The following CEP290 variants were observed in gnomAD, a reference collection of about 807,000 sequenced individuals.
CEP290 encodes the protein centrosomal protein of 290 kDa.
A neutral mutation model predicts 344.9 loss-of-function variants in CEP290; 317 were observed. The observed-to-expected ratio is 0.92, with a 90% CI of 0.84 to 1.01. The LOEUF (loss-of-function observed/expected upper bound fraction) is 1.01. Ranked by LOEUF, CEP290 falls within the 50% of genes least tolerant of loss-of-function variation. CEP290 has a pLI of 0.00. For missense variants in CEP290, 2,754 were observed against 2,761.4 expected (o/e 1.00, Z 0.06); for synonymous variants, 932 against 895.8 (o/e 1.04, Z -0.72).
At chr12:88,103,058 G>C in intron 25 of CEP290, 47 bp from the exon 26 acceptor site, 1 of 1,290,516 alleles carries the variant, frequency 7.7e-7, no homozygotes, top group African/African-American at 1.6e-5. Context: ...CTTTTTTTCT[G>C]GTCAAGCACT....
Position 88,117,004 on chromosome 12 carries a change from T to C in CEP290, c.1824+29A>G, listed in dbSNP as rs534874484. 20 of 1,082,976 alleles carry C rather than the reference T, an allele frequency of 1.8e-5. No individual in the cohort carries two copies. In the East Asian group the frequency reaches 5.0e-4, roughly 27 times the overall value. 67.1% of individuals were successfully genotyped at this position (1,082,976 alleles called of 1,614,324 possible). On this transcript the variant is annotated intron_variant, in intron 18 of 53. Transcript: ENST00000552810. ...AAAAAAAAAAAAAAAATATTTTCCT[T>C]TACTCTCTTTGCAATACTTTACTAT...
chr12:88,111,254 G>C lies in CEP290; in HGVS notation c.2315C>G (p.Ser772Cys). Residue 772 changes from serine (S) to cysteine (C), a missense_variant, in exon 22 of 54, where the codon TCT (serine) becomes TGT (cysteine). Physicochemically the swap from Ser to Cys is moderately radical, Grantham distance 112. Transcript: ENST00000552810. ...CTGAGAATTAATGATACTGGCACTA[G>C]ATGGTGCTATCCCATCAGGTAAGTC... Reference protein sequence around the residue: ...GIDLPDGIAPSSASIINSQNE... With the variant: ...GIDLPDGIAPCSASIINSQNE... 6.6e-7 allele frequency: 1 copy of C among 1,517,168 alleles called. No individual in the cohort carries two copies. Among genetic ancestry groups the C allele is most frequent in the East Asian group, 2.5e-5 (1 of 39,746 alleles). The allele number at this position is 1,517,168 out of a possible 1,614,324, so 94.0% of individuals were successfully genotyped here. A position where few individuals can be genotyped will look rare whatever the true frequency, so the allele number is the denominator to read the frequency against.
At chr12:88,051,951 G>A (rs1050173367) in intron 52 of CEP290, among the ~76,000 whole-genome samples, 1 of 152,084 alleles carries the variant, frequency 6.6e-6, no homozygotes, top group East Asian at 1.9e-4. Context: ...AAGGAGCTGT[G>A]GAGTTTCATA....
chr12:88,107,207 A>G, intron 23 of CEP290, 109 bp from the exon 24 acceptor site: 1 of 606,194 alleles, frequency 1.6e-6, no homozygotes, highest in South Asian at 2.7e-5. Flanking sequence ...CACAAGAGGT[A>G]TCATAGCTAT....
intron 31 of CEP290, among the ~76,000 whole-genome samples, chr12:88,088,442 TATA>T (rs757664543): frequency 1.3e-5 from 2 of 152,088 alleles, no homozygotes; most frequent in African/African-American, 2.4e-5. Context: ...AATGTTTAAA[TATA>T]ATAATTAGTG....
intron 20 of CEP290, among the ~76,000 whole-genome samples, chr12:88,112,860 A>G (rs549303651): frequency 3.5e-4 from 54 of 152,226 alleles, no homozygotes; most frequent in African/African-American, 1.3e-3. Flanking sequence ...ACTGACAACA[A>G]GGTGGTCTAG....
Position 88,111,353 on chromosome 12 carries a change from T to TG in CEP290, c.2218-3dup. On this transcript the variant is annotated splice_polypyrimidine_tract_variant and splice_region_variant and intron_variant, in intron 21 of 53. Coordinates refer to ENST00000552810, the MANE Select transcript of CEP290 (RefSeq NM_025114.4). ...AGTTTCTTTTTCAAGATGGTCTATC[T>TG]GGAAAAAAAAATCCAGCAATGAGAA... The TG allele has an allele frequency of 6.4e-7, 1 of 1,561,362 alleles. No homozygotes were observed. The highest frequency in any genetic ancestry group is 8.7e-7 in the Non-Finnish European group (1 of 1,155,792).
intron 43 of CEP290, among the ~76,000 whole-genome samples, chr12:88,070,250 A>G (rs993015644): frequency 6.6e-6 from 1 of 152,186 alleles, no homozygotes; most frequent in African/African-American, 2.4e-5. Context: ...AAAGGAGTAG[A>G]AGGCAGATTA....
intron 23 of CEP290, among the ~76,000 whole-genome samples, chr12:88,107,616 A>C (rs1214470478): frequency 6.6e-6 from 1 of 151,844 alleles, no homozygotes; most frequent in Non-Finnish European, 1.5e-5. Context: ...TAGTGCAAAA[A>C]AAAAAAAAAA....
intron 22 of CEP290, among the ~76,000 whole-genome samples, chr12:88,109,676 G>A (rs899855808): frequency 6.6e-6 from 1 of 152,006 alleles, no homozygotes; most frequent in Non-Finnish European, 1.5e-5. Context: ...TTTGAGTTTG[G>A]GTCTGTCTGA....
At chr12:88,112,180 G>A (rs970733433) in intron 20 of CEP290, among the ~76,000 whole-genome samples, 2 of 152,136 alleles carry the variant, frequency 1.3e-5, no homozygotes, top group Admixed American at 6.5e-5. Flanking sequence ...AGCTGGGCAA[G>A]TGACTTAAAT....
chr12:88,055,490 C>T, intron 50 of CEP290, 86 bp downstream of exon 50: 1 of 1,207,656 alleles, frequency 8.3e-7, no homozygotes, highest in Non-Finnish European at 1.1e-6. Flanking sequence ...TAATAGAGTC[C>T]ATTTTTATCT....
chr12:88,133,903 T>C (rs959857573), intron 6 of CEP290, among the ~76,000 whole-genome samples: 1 of 152,166 alleles, frequency 6.6e-6, no homozygotes, highest in African/African-American at 2.4e-5. Context: ...TTAATGTTTT[T>C]TTCCCTTGTC....
chr12:88,049,035 AATTTT>A lies in CEP290; in HGVS notation c.*144_*148del, dbSNP rs368073560. 452 of 442,066 alleles carry A rather than the reference AATTTT, an allele frequency of 1.0e-3. 1 individual carries two copies. The highest frequency in any genetic ancestry group is 8.8e-3 in the African/African-American group (432 of 48,856). 27.4% of individuals were successfully genotyped at this position (442,066 alleles called of 1,614,324 possible). ...TTATAATAAGTTGAAAATTTCATAT[AATTTT>A]ATTTATTAAGAATTCCAATCTAAGT... is the stretch of plus-strand genomic sequence containing the variant. On this transcript the variant is annotated 3_prime_UTR_variant, in exon 54 of 54. Coordinates refer to ENST00000552810, the MANE Select transcript of CEP290 (RefSeq NM_025114.4).
intron 39 of CEP290, among the ~76,000 whole-genome samples, chr12:88,078,746 G>C (rs1219236299): frequency 6.6e-6 from 1 of 151,772 alleles, no homozygotes; most frequent in African/African-American, 2.4e-5. Flanking sequence ...GAGATATACA[G>C]GAAATCTCTG....
rs775553764 is a variant in CEP290, at chr12:88,058,862, G to C, written c.6804C>G (p.Ser2268=). The C allele has an allele frequency of 6.2e-7, 1 of 1,613,618 alleles. No homozygotes were observed. Among genetic ancestry groups the C allele is most frequent in the Admixed American group, 1.7e-5 (1 of 59,988 alleles). Residue 2268 remains serine (S), a synonymous_variant, in exon 49 of 54, where the codon TCC becomes TCG. Transcript: ENST00000552810. ...LEGADSKSWK[S]IVVTRMYETK... is the part of the protein sequence containing the mutation. The stretch of plus-strand genomic sequence containing the variant: ...TCTGTTCCTACCTTGTAACCACAAT[G>C]GATTTCCAGCTCTTACTGTCAGCAC...
intron 18 of CEP290, chr12:88,116,177 C>T: frequency 2.8e-6 from 1 of 361,566 alleles, no homozygotes; most frequent in Non-Finnish European, 3.8e-6. Context: ...TTCTTGACAC[C>T]TTCTTCATAC....
intron 43 of CEP290, among the ~76,000 whole-genome samples, chr12:88,070,765 G>A (rs1406326320): frequency 6.6e-6 from 1 of 152,130 alleles, no homozygotes; most frequent in Non-Finnish European, 1.5e-5. Context: ...AAGTATCAGA[G>A]AGATGGCAAA....
chr12:88,111,178 T>C, intron 22 of CEP290, 24 bp downstream of exon 22: 1 of 1,301,794 alleles, frequency 7.7e-7, no homozygotes, highest in Non-Finnish European at 1.0e-6. Context: ...AAATTTTCAA[T>C]ACCTGTAACA....
Sources: gnomAD v4.1 joint callset for allele counts (sites outside exome capture counted in the v4.1 genomes callset) on GRCh38, gnomAD v4.1.1 for gene constraint, MANE v1.5 for transcripts, NCBI Gene and HGNC (gene_info 2026-07-23, HGNC 2026-07-21) for gene names.